Variants in TSPOAP1 observed in about 807,000 individuals in gnomAD.
The protein encoded by TSPOAP1 is TSPO associated protein 1.
TSPOAP1 carries 87 observed loss-of-function variants against 197.0 expected under a neutral mutation model. The observed-to-expected ratio is 0.44, with a 90% confidence interval of 0.37 to 0.53. TSPOAP1 has a LOEUF of 0.53. Ranked by LOEUF, TSPOAP1 falls within the 20% of genes least tolerant of loss-of-function variation. The pLI is 0.00. For synonymous variants in TSPOAP1, 913 were observed against 998.9 expected, an observed-to-expected ratio of 0.91 and a Z score of 1.62; for missense variants, 2,174 against 2,411.3, an observed-to-expected ratio of 0.90 and a Z score of 2.06.
chr17:58,326,666 C>G lies in TSPOAP1; in HGVS notation c.441+17G>C. Reference sequence around the variant, plus strand: ...TGGCTCCAGCCAGAACGCAGCACCCCAGTCTCCAAGCCTCACCAGCATCTG... The same window carrying G: ...TGGCTCCAGCCAGAACGCAGCACCCGAGTCTCCAAGCCTCACCAGCATCTG... On this transcript the variant is annotated intron_variant, in intron 2 of 31. Coordinates refer to ENST00000343736, the MANE Select transcript of TSPOAP1 (RefSeq NM_004758.4). The surrounding 1 kb of genome is among the most constrained non-coding windows in gnomAD (Gnocchi z 4.7). 6.2e-7 allele frequency: 1 copy of G among 1,612,930 alleles called. No homozygotes were observed. Among genetic ancestry groups the G allele is most frequent in the Non-Finnish European group, 8.5e-7 (1 of 1,179,084 alleles).
intron 1 of TSPOAP1, among the ~76,000 whole-genome samples, chr17:58,327,093 A>C (rs949380672): frequency 6.7e-6 from 1 of 149,700 alleles, no homozygotes; most frequent in African/African-American, 2.5e-5. Flanking sequence ...ATCCCTCCAG[A>C]CTCCCCTGCC....
In TSPOAP1 at chr17:58,310,872, T is replaced by C; in HGVS notation, c.3423A>G (p.Lys1141=). 2 of 1,537,134 alleles carry C rather than the reference T, an allele frequency of 1.3e-6. No individual in the cohort carries two copies. The highest frequency in any genetic ancestry group is 8.7e-7 in the Non-Finnish European group (1 of 1,145,530). The change falls in exon 19 of 32, where the codon AAA becomes AAG. Residue 1141 remains lysine, a synonymous_variant. Coordinates refer to ENST00000343736, the MANE Select transcript of TSPOAP1 (RefSeq NM_004758.4). ...GTGCTGGAGGGTCCTCGTGGGACCCTTTTGCCATCTCTCTGGAAGGGCTTG... is the reference window on the plus strand; with the variant it reads ...GTGCTGGAGGGTCCTCGTGGGACCCCTTTGCCATCTCTCTGGAAGGGCTTG... ...PPASPSREMA[K]GSHEDPPAPC...
chr17:58,318,242 G>A (rs764361693), intron 14 of TSPOAP1, 38 bp downstream of exon 14: 7 of 1,609,490 alleles, frequency 4.3e-6, no homozygotes, highest in East Asian at 4.5e-5. Context: ...CCTTCCCCAA[G>A]CCAAAGCCAG....
chr17:58,305,816 C>G lies in TSPOAP1; in HGVS notation c.5257+17G>C. 6.2e-7 allele frequency: 1 copy of G among 1,612,854 alleles called. No individual in the cohort carries two copies. The highest frequency in any genetic ancestry group is 8.5e-7 in the Non-Finnish European group (1 of 1,179,624). On this transcript the variant is annotated intron_variant, in intron 27 of 31. Transcript: ENST00000343736. The stretch of plus-strand genomic sequence containing the variant: ...ATCTCCTTCCCCAGCCTCCCGGGCC[C>G]AGGGATATTCCTTCACCTGGACAGG...
Position 58,328,244 on chromosome 17 carries a change from C to A in TSPOAP1, c.-324G>T. ...CGACAGCTGCGCCTGGGTGAGGGTG[C>A]GTGTGTGTGTCTCCAGGTCTGTCCG... On this transcript the variant is annotated 5_prime_UTR_variant, in exon 1 of 32. Transcript: ENST00000343736. The surrounding 1 kb of genome is among the most constrained non-coding windows in gnomAD (Gnocchi z 4.3). 1 of 403,260 alleles carries A rather than the reference C, an allele frequency of 2.5e-6. No homozygotes were observed. The highest frequency in any genetic ancestry group is 3.8e-5 in the Admixed American group (1 of 26,296). 25.0% of individuals were successfully genotyped at this position (403,260 alleles called of 1,614,324 possible). A position where few individuals can be genotyped will look rare whatever the true frequency, so the allele number is the denominator to read the frequency against.
Position 58,304,634 on chromosome 17 carries a change from A to T in TSPOAP1, c.5545-235T>A. 1 of 587,026 alleles carries T rather than the reference A, an allele frequency of 1.7e-6. No homozygotes were observed. Among genetic ancestry groups the T allele is most frequent in the Non-Finnish European group, 3.1e-6 (1 of 327,606 alleles). 36.4% of individuals were successfully genotyped at this position (587,026 alleles called of 1,614,324 possible). On this transcript the variant is annotated intron_variant, in intron 30 of 31. Coordinates refer to ENST00000343736, the MANE Select transcript of TSPOAP1 (RefSeq NM_004758.4). The surrounding 1 kb of genome is among the most constrained non-coding windows in gnomAD (Gnocchi z 4.2). ...ACCCCAAGGAGAGGCAAGCTCAAGG[A>T]ACGAGAACCCAGGAAGCTGGGCCTG...
At chr17:58,307,217 G>A (rs1381111953) in intron 24 of TSPOAP1, among the ~76,000 whole-genome samples, 5 of 152,226 alleles carry the variant, frequency 3.3e-5, no homozygotes, top group African/African-American at 1.2e-4. Flanking sequence ...GATCTCCTTA[G>A]TCTCAGAGCA....
chr17:58,313,234 C>T (rs1971124297), intron 16 of TSPOAP1, among the ~76,000 whole-genome samples: 1 of 152,056 alleles, frequency 6.6e-6, no homozygotes, highest in Non-Finnish European at 1.5e-5. Flanking sequence ...CAAATATATT[C>T]TGTACATTTG....
chr17:58,310,430 G>C (rs1299634870), intron 20 of TSPOAP1, 82 bp downstream of exon 20: 2 of 1,566,608 alleles, frequency 1.3e-6, no homozygotes, highest in African/African-American at 1.4e-5. Context: ...AGGCAGAGAG[G>C]GCAACTGGAT....
At position 58,305,564 on chromosome 17, in the gene TSPOAP1, C is replaced by T. The variant is rs769279585; in HGVS notation, c.5337G>A (p.Glu1779=). The T allele has an allele frequency of 6.3e-7, 1 of 1,592,224 alleles. No individual in the cohort carries two copies. The highest frequency in any genetic ancestry group is 8.5e-7 in the Non-Finnish European group (1 of 1,169,622). Residue 1779 remains glutamate, a synonymous_variant, in exon 28 of 32, where the codon GAG becomes GAA. Coordinates refer to ENST00000343736, the MANE Select transcript of TSPOAP1 (RefSeq NM_004758.4). ...MVAAFDYNPQ[E]SSPNMDVEAE... is the part of the protein sequence containing the mutation. ...CCTCCACGTCCATATTGGGGGAACT[C>T]TCCTGGGGGTTGTAGTCAAATGCAG...
Position 58,304,255 on chromosome 17 carries a change from C to G in TSPOAP1, c.*32+83G>C. 3.2e-6 allele frequency: 4 copies of G among 1,236,700 alleles called. No homozygotes were observed. Among genetic ancestry groups the G allele is most frequent in the Non-Finnish European group, 4.7e-6 (4 of 854,900 alleles). The allele number at this position is 1,236,700 out of a possible 1,614,324, so 76.6% of individuals were successfully genotyped here. A position where few individuals can be genotyped will look rare whatever the true frequency, so the allele number is the denominator to read the frequency against. ...CTACAGTGGGAAAGCTGGGTCAGCT[C>G]CAGTATTTGAGACAAAGGAGCACTG... On this transcript the variant is annotated intron_variant, in intron 31 of 31. Transcript: ENST00000343736. This position sits in a 1 kb window ranked among gnomAD's most constrained non-coding sequence, Gnocchi z 4.2.
At position 58,308,945 on chromosome 17, in the gene TSPOAP1, G is replaced by A. The variant is rs1291625375; in HGVS notation, c.4327C>T (p.Leu1443=). The change falls in exon 22 of 32, where the codon CTG becomes TTG. Residue 1443 remains leucine, a synonymous_variant. Transcript: ENST00000343736. ...CCACCCCTCTCCCGTGTGGGGCCCA[G>A]TCGTCCAGAGGCCTGGGGCCCATTG... ...SNNGPQASGR[L]GPTRERGGLP... is the part of the protein sequence containing the mutation. 2 of 1,603,630 alleles carry A rather than the reference G, an allele frequency of 1.2e-6. No homozygotes were observed.
At position 58,325,652 on chromosome 17, in the gene TSPOAP1, C is replaced by G. The variant is rs368018499; in HGVS notation, c.632G>C (p.Arg211Pro). The G allele has an allele frequency of 6.2e-7, 1 of 1,613,190 alleles. No individual in the cohort carries two copies. The highest frequency in any genetic ancestry group is 1.7e-5 in the Admixed American group (1 of 60,002). Residue 211 changes from arginine to proline, a missense_variant, in exon 4 of 32, where the codon CGC (arginine) becomes CCC (proline). Arg to Pro is a moderately radical substitution (Grantham distance 103, BLOSUM62 -2). Around this residue, in one of 5 missense-constraint regions of TSPOAP1, gnomAD observed 1,933 missense variants for 2,139.0 expected, o/e 0.90. Transcript: ENST00000343736. ...CTCACTGAGGTCCCGGGCTCGCTGG[C>G]GGGCTAGGGCCTTCCGACACAACTC... ...SLELCRKALA[R>P]QRARDLSETA...
rs1459748039 is a variant in TSPOAP1, at chr17:58,324,865, C to T, written c.888G>A (p.Pro296=). 2.6e-6 allele frequency: 4 copies of T among 1,529,776 alleles called. No individual in the cohort carries two copies. The highest frequency in any genetic ancestry group is 2.0e-5 in the Admixed American group (1 of 50,808). 94.8% of individuals were successfully genotyped at this position (1,529,776 alleles called of 1,614,324 possible). ...ETLPLPPSWP[P]GPALQARAGA... The stretch of plus-strand genomic sequence containing the variant: ...CTGCTCTGGCCTGGAGAGCAGGGCC[C>T]GGGGGCCAGGACGGCGGGAGCGGGA... Residue 296 remains proline, a synonymous_variant, in exon 5 of 32, where the codon CCG becomes CCA. Coordinates refer to ENST00000343736, the MANE Select transcript of TSPOAP1 (RefSeq NM_004758.4). The surrounding 1 kb of genome is among the most constrained non-coding windows in gnomAD (Gnocchi z 5.8).
In TSPOAP1 at chr17:58,326,831, AC is replaced by A. The variant is rs1971629393; in HGVS notation, c.334-42del. On this transcript the variant is annotated intron_variant, in intron 1 of 31. Transcript: ENST00000343736. This position sits in a 1 kb window ranked among gnomAD's most constrained non-coding sequence, Gnocchi z 4.7. ...ACCGAGGACAGCACCTCAGAAACCC[AC>A]GTCACCCAGCCAGAGCCTTCCCTGT... The A allele has an allele frequency of 6.5e-7, 1 of 1,549,336 alleles. No homozygotes were observed. Among genetic ancestry groups the A allele is most frequent in the East Asian group, 2.2e-5 (1 of 44,486 alleles).
At position 58,307,856 on chromosome 17, in the gene TSPOAP1, C is replaced by T; in HGVS notation, c.4817G>A (p.Ser1606Asn). The change falls in exon 23 of 32, where the codon AGC becomes AAC. Residue 1606 changes from serine (S) to asparagine (N), a missense_variant. Physicochemically the swap from Ser to Asn is conservative, Grantham distance 46. Coordinates refer to ENST00000343736, the MANE Select transcript of TSPOAP1 (RefSeq NM_004758.4). ...QKRGVRVLRPSTAELVPARSP... is the reference protein window; with the variant it reads ...QKRGVRVLRPNTAELVPARSP... ...CAGGTGCTCACCTAGCTCTGCAGTG[C>T]TTGGCCTGAGGACTCGGACACCTCT... is the stretch of plus-strand genomic sequence containing the variant. 1 of 1,613,838 alleles carries T rather than the reference C, an allele frequency of 6.2e-7. No homozygotes were observed. Among genetic ancestry groups the T allele is most frequent in the Non-Finnish European group, 8.5e-7 (1 of 1,180,030 alleles).
chr17:58,307,941 C>T lies in TSPOAP1; in HGVS notation c.4732G>A (p.Ala1578Thr). The change falls in exon 23 of 32, where the codon GCA becomes ACA. Residue 1578 changes from alanine to threonine, a missense_variant and splice_region_variant. Ala to Thr is a moderately conservative substitution (Grantham distance 58). Transcript: ENST00000343736. Reference sequence around the variant, plus strand: ...CCTCTGGCCTCTCCGGTCTCTGTTGCCTGCAAAAAGAGGGCAACAGATGGC... The same window carrying T: ...CCTCTGGCCTCTCCGGTCTCTGTTGTCTGCAAAAAGAGGGCAACAGATGGC... ...TGRAKEPLSR[A>T]TETGEARGQD... 1 of 1,609,280 alleles carries T rather than the reference C, an allele frequency of 6.2e-7. No homozygotes were observed.
chr17:58,308,010 C>T (rs1266671518), intron 22 of TSPOAP1, 69 bp from the exon 23 acceptor site: 38 of 1,429,932 alleles, frequency 2.7e-5, no homozygotes, highest in Non-Finnish European at 3.4e-5. Context: ...GCTCCCCCAG[C>T]TCTGCCCCAT....
rs1452157980 is a variant in TSPOAP1 at position 58,324,842 on chromosome 17, G to T, written c.911C>A (p.Ala304Glu). 2 of 1,514,430 alleles carry T rather than the reference G, an allele frequency of 1.3e-6. No individual in the cohort carries two copies. The highest frequency in any genetic ancestry group is 1.2e-5 in the South Asian group (1 of 82,518). 93.8% of individuals were successfully genotyped at this position (1,514,430 alleles called of 1,614,324 possible). ...CGGGGCCCCGGGAGCAGGCGCCCCT[G>T]CTCTGGCCTGGAGAGCAGGGCCCGG... ...WPPGPALQARAGAPAPGAPGE... is the reference protein window; with the variant it reads ...WPPGPALQAREGAPAPGAPGE... The change falls in exon 5 of 32, where the codon GCA (alanine) becomes GAA (glutamate). Residue 304 changes from alanine to glutamate, a missense_variant. This residue lies in a region of TSPOAP1 where 1,933 missense variants were observed against 2,139.0 expected (regional missense o/e 0.90). Transcript: ENST00000343736. The surrounding 1 kb of genome is among the most constrained non-coding windows in gnomAD (Gnocchi z 5.8).
Sources: allele counts gnomAD v4.1 joint callset (sites outside exome capture counted in the v4.1 genomes callset), GRCh38; gene constraint gnomAD v4.1.1; regional missense constraint gnomAD v4.1.1; non-coding constraint Gnocchi (gnomAD v3.1); transcripts MANE v1.5; gene names NCBI Gene and HGNC (gene_info 2026-07-23, HGNC 2026-07-21).